CNTN5: variants seen among roughly 807,000 people sequenced by gnomAD.
CNTN5 encodes contactin-5.
A neutral mutation model predicts 129.1 loss-of-function variants in CNTN5; 77 were observed. That is an observed-to-expected ratio of 0.60 (90% confidence interval 0.50 to 0.72). The LOEUF (loss-of-function observed/expected upper bound fraction) is 0.72. Among genes scored for constraint, CNTN5 ranks in the 30% least tolerant of loss-of-function variants. CNTN5 has a pLI of 0.00. For synonymous variants in CNTN5, 509 were observed against 465.6 expected (o/e 1.09, Z -1.20); for missense variants, 1,478 against 1,328.8 (o/e 1.11, Z -1.75).
intron 1 of CNTN5, among the ~76,000 whole-genome samples, chr11:99,043,392 A>G (rs1221890114): frequency 6.6e-6 from 1 of 151,138 alleles, no homozygotes; most frequent in Non-Finnish European, 1.5e-5. Flanking sequence ...TATGTAACTA[A>G]CCTGCACAAT....
chr11:99,352,240 C>CTGTGGAGTT (rs1938348416), intron 2 of CNTN5, among the ~76,000 whole-genome samples: 1 of 148,098 alleles, frequency 6.8e-6, no homozygotes, highest in Non-Finnish European at 1.5e-5. Context: ...GTGGAGTGAC[C>CTGTGGAGTT]TCACAGCATT....
chr11:100,099,480 T>A (rs1461233548), intron 13 of CNTN5, among the ~76,000 whole-genome samples: 4 of 152,132 alleles, frequency 2.6e-5, no homozygotes, highest in African/African-American at 9.6e-5. Flanking sequence ...AATTAGTTTG[T>A]CCATTGGTTA....
chr11:99,362,128 CAT>C (rs777099786), intron 2 of CNTN5, among the ~76,000 whole-genome samples: 2 of 151,978 alleles, frequency 1.3e-5, no homozygotes, highest in African/African-American at 2.4e-5. Flanking sequence ...CCTAATAACA[CAT>C]GTTATATTCT....
chr11:99,121,921 C>A (rs1858355667), intron 1 of CNTN5, among the ~76,000 whole-genome samples: 1 of 151,254 alleles, frequency 6.6e-6, no homozygotes, highest in African/African-American at 2.4e-5. Flanking sequence ...CCTAGATGAC[C>A]ATATTTTTTA....
chr11:99,278,593 T>A (rs2135881115), intron 1 of CNTN5, among the ~76,000 whole-genome samples: 1 of 151,788 alleles, frequency 6.6e-6, no homozygotes, highest in South Asian at 2.1e-4. Flanking sequence ...GCCTGATCTT[T>A]CATAGGCACT....
At chr11:99,504,360 G>A (rs1946536762) in intron 2 of CNTN5, among the ~76,000 whole-genome samples, 1 of 151,892 alleles carries the variant, frequency 6.6e-6, no homozygotes, top group African/African-American at 2.4e-5. Flanking sequence ...GGCTAACACG[G>A]TGAAACCCCG....
chr11:99,043,706 T>G (rs981514114), intron 1 of CNTN5, among the ~76,000 whole-genome samples: 4 of 152,162 alleles, frequency 2.6e-5, no homozygotes, highest in African/African-American at 9.7e-5. Flanking sequence ...CACATTCAAA[T>G]TTTTCTACTC....
chr11:99,639,812 C>A (rs1951705330), intron 3 of CNTN5, among the ~76,000 whole-genome samples: 1 of 152,094 alleles, frequency 6.6e-6, no homozygotes, highest in Non-Finnish European at 1.5e-5. Flanking sequence ...GATCCACCCA[C>A]CTCAGCCTCC....
intron 20 of CNTN5, among the ~76,000 whole-genome samples, chr11:100,306,929 G>A (rs973063389): frequency 6.6e-6 from 1 of 151,652 alleles, no homozygotes; most frequent in Non-Finnish European, 1.5e-5. Flanking sequence ...AAATTAATGT[G>A]AATTTGCCAA....
intron 1 of CNTN5, among the ~76,000 whole-genome samples, chr11:99,293,305 T>G (rs954374866): frequency 2.0e-5 from 3 of 152,172 alleles, no homozygotes; most frequent in Non-Finnish European, 2.9e-5. Flanking sequence ...AATGATCTTT[T>G]TAACATGTTG....
intron 3 of CNTN5, among the ~76,000 whole-genome samples, chr11:99,562,483 G>C (rs188290612): frequency 1.2e-4 from 18 of 151,978 alleles, no homozygotes; most frequent in Admixed American, 9.8e-4. Context: ...CTCTACATTC[G>C]TTACAAATAA....
intron 2 of CNTN5, among the ~76,000 whole-genome samples, chr11:99,555,047 A>G (rs977356897): frequency 4.0e-5 from 6 of 150,792 alleles, no homozygotes; most frequent in Admixed American, 3.3e-4. Context: ...ACCAAGACTT[A>G]TATTTAAAAT....
chr11:99,748,133 T>C (rs1944116495), intron 3 of CNTN5, among the ~76,000 whole-genome samples: 1 of 152,272 alleles, frequency 6.6e-6, no homozygotes, highest in African/African-American at 2.4e-5. Context: ...TTGAGGATTT[T>C]TGCATCTGAA....
intron 3 of CNTN5, among the ~76,000 whole-genome samples, chr11:99,753,183 C>T (rs895497354): frequency 3.2e-5 from 4 of 126,830 alleles, no homozygotes; most frequent in East Asian, 2.6e-4. Context: ...AGTACGGTGG[C>T]GAGATCTCGA....
At position 100,146,821 on chromosome 11, in the gene CNTN5, A is replaced by G. The variant is rs1489771759; in HGVS notation, c.1581-44305A>G. Among the ~76,000 whole-genome samples, 6 of 152,300 alleles carry G rather than the reference A, an allele frequency of 3.9e-5. No individual in the cohort carries two copies. In the East Asian group the frequency reaches 1.2e-3, roughly 29 times the overall value. On this transcript the variant is annotated intron_variant, in intron 13 of 24. Transcript: ENST00000524871. ...GACTTTTAAATGTTGTGAACAATGC[A>G]TGAACATCTTTAAGTATACATATTA...
chr11:99,860,696 ATAGCCT>A (rs1948176440), intron 6 of CNTN5, among the ~76,000 whole-genome samples: 1 of 152,124 alleles, frequency 6.6e-6, no homozygotes, highest in Non-Finnish European at 1.5e-5. Context: ...TTTGGTTACC[ATAGCCT>A]TATAGTGTAG....
chr11:99,957,627 A>C (rs1351038028), intron 8 of CNTN5, among the ~76,000 whole-genome samples: 1 of 152,104 alleles, frequency 6.6e-6, no homozygotes, highest in African/African-American at 2.4e-5. Flanking sequence ...CAAGTGCTAT[A>C]TTACCATTGA....
chr11:99,993,743 G>T (rs540879185), intron 8 of CNTN5, among the ~76,000 whole-genome samples: 1 of 152,136 alleles, frequency 6.6e-6, no homozygotes, highest in Non-Finnish European at 1.5e-5. Context: ...TGGAGGGGTG[G>T]GGAACCCTGA....
chr11:99,255,967 G>A (rs2135807734), intron 1 of CNTN5, among the ~76,000 whole-genome samples: 1 of 152,022 alleles, frequency 6.6e-6, no homozygotes, highest in African/African-American at 2.4e-5. Flanking sequence ...AATTGTGATT[G>A]TTTAAATCTA....
Sources: allele counts gnomAD v4.1 joint callset (sites outside exome capture counted in the v4.1 genomes callset), GRCh38; gene constraint gnomAD v4.1.1; transcripts MANE v1.5; gene names NCBI Gene and HGNC (gene_info 2026-07-23, HGNC 2026-07-21).